Variants in INTS12 observed in about 807,000 individuals in gnomAD.
INTS12 encodes PHD finger protein 22.
Under a neutral mutation model 41.6 loss-of-function variants are expected in INTS12, and 13 were observed. The ratio of observed to expected loss-of-function variants is 0.31; its 90% CI spans 0.20 to 0.50. INTS12 has a LOEUF of 0.50. Among genes scored for constraint, INTS12 ranks in the 20% least tolerant of loss-of-function variants. The pLI is 0.98. For synonymous variants in INTS12, 199 were observed against 191.4 expected (o/e 1.04, Z -0.33); for missense variants, 432 against 541.6 (o/e 0.80, Z 2.01).
chr4:105,691,929 A>G (rs574070390), intron 6 of INTS12, 47 bp downstream of exon 6: 17 of 1,398,444 alleles, frequency 1.2e-5, no homozygotes, highest in South Asian at 1.6e-5. Flanking sequence ...ACATACCAAC[A>G]AAAACATTGA....
At chr4:105,694,603 T>A (rs1375376412) in intron 4 of INTS12, among the ~76,000 whole-genome samples, 2 of 152,118 alleles carry the variant, frequency 1.3e-5, no homozygotes, top group Non-Finnish European at 2.9e-5. Flanking sequence ...AGTGCTGGGA[T>A]TACAGGCATG....
rs189239359 is a variant in INTS12 at position 105,701,416 on chromosome 4, T to C, written c.-9-1402A>G. ...TCAAACTGTTGTATTTCTAAGAATT[T>C]AACAAAATTGAAAAGCAGCCTCTGT... On this transcript the variant is annotated intron_variant, in intron 2 of 7. Coordinates refer to ENST00000340139, the MANE Select transcript of INTS12 (RefSeq NM_020395.4). Among the ~76,000 whole-genome samples, 34 of 152,244 alleles carry C rather than the reference T, an allele frequency of 2.2e-4. No homozygotes were observed. The East Asian group carries it at 6.2e-3, about 28-fold the overall frequency.
chr4:105,694,265 G>A (rs928775894), intron 4 of INTS12, among the ~76,000 whole-genome samples: 1 of 152,118 alleles, frequency 6.6e-6, no homozygotes, highest in African/African-American at 2.4e-5. Context: ...CATTTCAAAA[G>A]CACATAGTTG....
chr4:105,700,652 A>C (rs1158499596), intron 2 of INTS12, among the ~76,000 whole-genome samples: 2 of 150,182 alleles, frequency 1.3e-5, no homozygotes, highest in African/African-American at 4.9e-5. Flanking sequence ...TATCTCATGC[A>C]TTAACCTATT....
At chr4:105,690,651 G>T (rs539101023) in intron 6 of INTS12, among the ~76,000 whole-genome samples, 2 of 152,034 alleles carry the variant, frequency 1.3e-5, no homozygotes, top group African/African-American at 4.8e-5. Context: ...CCCAGGAAGA[G>T]GGTTAGAACC....
At position 105,708,140 on chromosome 4, in the gene INTS12, T is replaced by G. The variant is rs573365059; in HGVS notation, c.-172+498A>C. On this transcript the variant is annotated intron_variant, in intron 1 of 7. Coordinates refer to ENST00000340139, the MANE Select transcript of INTS12 (RefSeq NM_020395.4). ...CCTCCACTGAGTTCTTGGTTCTGGA[T>G]AACACTGATACCTTAGGGACACCTG... The G allele has an allele frequency of 5.1e-6, 5 of 985,412 alleles. No individual in the cohort carries two copies. In the South Asian group the frequency reaches 2.3e-4, roughly 46 times the overall value. The allele number at this position is 985,412 out of a possible 1,614,324, so 61.0% of individuals were successfully genotyped here.
intron 2 of INTS12, among the ~76,000 whole-genome samples, chr4:105,702,594 C>A (rs574754334): frequency 6.6e-6 from 1 of 152,266 alleles, no homozygotes; most frequent in African/African-American, 2.4e-5. Flanking sequence ...ACAATCAATT[C>A]TCCTTTCTGA....
intron 7 of INTS12, among the ~76,000 whole-genome samples, chr4:105,685,194 CTT>C (rs1458178669): frequency 1.3e-5 from 2 of 151,976 alleles, no homozygotes; most frequent in Non-Finnish European, 2.9e-5. Context: ...AATTTATTCA[CTT>C]TTATAAAAAG....
At chr4:105,699,744 G>T in intron 3 of INTS12, 106 bp downstream of exon 3, 1 of 815,700 alleles carries the variant, frequency 1.2e-6, no homozygotes, top group Non-Finnish European at 1.8e-6. Context: ...CATGCTACAA[G>T]GAAAGATTAT....
At chr4:105,694,026 A>G (rs1731776358) in intron 4 of INTS12, among the ~76,000 whole-genome samples, 1 of 152,180 alleles carries the variant, frequency 6.6e-6, no homozygotes, top group South Asian at 2.1e-4. Flanking sequence ...ATCCTATTAT[A>G]TTCACTTATA....
intron 1 of INTS12, chr4:105,708,415 T>C: frequency 1.9e-5 from 19 of 985,492 alleles, no homozygotes; most frequent in Non-Finnish European, 2.3e-5. Context: ...CCTAGAAATA[T>C]GCTCGGTCCG....
intron 2 of INTS12, among the ~76,000 whole-genome samples, chr4:105,702,130 CTTTTTT>C (rs950826694): frequency 9.1e-6 from 1 of 109,508 alleles, no homozygotes; most frequent in Admixed American, 1.0e-4. Context: ...ATTTCTATTT[CTTTTTT>C]TTTTTTTTTT....
At chr4:105,704,014 C>CA (rs1553954599) in intron 1 of INTS12, among the ~76,000 whole-genome samples, 1,707 of 144,152 alleles carry the variant, frequency 0.012, 10 homozygotes, top group South Asian at 0.023. Flanking sequence ...CCCATATCTT[C>CA]TTTTTTTTTT....
chr4:105,687,116 T>C (rs1279204329), intron 6 of INTS12: 6 of 359,276 alleles, frequency 1.7e-5, no homozygotes, highest in South Asian at 5.9e-5. Context: ...AAATTGTTTT[T>C]TAAAGAGCAA....
intron 4 of INTS12, among the ~76,000 whole-genome samples, chr4:105,694,713 C>A (rs554821777): frequency 6.6e-6 from 1 of 152,120 alleles, no homozygotes; most frequent in Admixed American, 6.6e-5. Context: ...TGAAAACATA[C>A]GGGATAATAT....
In INTS12 at chr4:105,693,429, G is replaced by T; in HGVS notation, c.367C>A (p.Pro123Thr). 6.2e-7 allele frequency: 1 copy of T among 1,613,624 alleles called. No individual in the cohort carries two copies. The highest frequency in any genetic ancestry group is 8.5e-7 in the Non-Finnish European group (1 of 1,179,660). ...DIPKKPRLEK[P>T]ETQSSPITVQ... The stretch of plus-strand genomic sequence containing the variant: ...GTAATGGGAGATGACTGTGTTTCTG[G>T]TTTCTCCAATCTAGGTTTCTTTGGA... The change falls in exon 5 of 8, where the codon CCA (proline) becomes ACA (threonine). Residue 123 changes from proline to threonine, a missense_variant. Coordinates refer to ENST00000340139, the MANE Select transcript of INTS12 (RefSeq NM_020395.4).
At chr4:105,701,540 C>T (rs181592762) in intron 2 of INTS12, among the ~76,000 whole-genome samples, 7 of 152,154 alleles carry the variant, frequency 4.6e-5, no homozygotes, top group Admixed American at 3.3e-4. Context: ...TCACCATGTA[C>T]GTTCTGAGGA....
chr4:105,686,015 GC>G (rs1259876960), intron 7 of INTS12, among the ~76,000 whole-genome samples: 1 of 152,156 alleles, frequency 6.6e-6, no homozygotes, highest in Non-Finnish European at 1.5e-5. Context: ...AGTGTGGGGA[GC>G]AAAATTGTTG....
In INTS12 at chr4:105,683,006, G is replaced by A. The variant is rs765984885; in HGVS notation, c.1116C>T (p.Gly372=). The A allele has an allele frequency of 4.3e-6, 7 of 1,614,008 alleles. No homozygotes were observed. In the East Asian group the frequency reaches 1.1e-4, roughly 26 times the overall value. The change falls in exon 8 of 8, where the codon GGC becomes GGT. Residue 372 remains glycine, a synonymous_variant. Transcript: ENST00000340139. Reference sequence around the variant, plus strand: ...TGTCACAACTAACTGAGCGACTAAGGCCAGTTTTACCCAAGGTTAGAGGTG... The same window carrying A: ...TGTCACAACTAACTGAGCGACTAAGACCAGTTTTACCCAAGGTTAGAGGTG... ...PPPPLTLGKT[G]LSRSVSCDNV... is the part of the protein sequence containing the mutation.
Sources: allele counts gnomAD v4.1 joint callset (sites outside exome capture counted in the v4.1 genomes callset), GRCh38; gene constraint gnomAD v4.1.1; transcripts MANE v1.5; gene names NCBI Gene and HGNC (gene_info 2026-07-23, HGNC 2026-07-21).